Variants in PLD5 observed in about 807,000 individuals in gnomAD.
The protein encoded by PLD5 is phospholipase D family member 5.
In PLD5, 36 loss-of-function variants were observed where a neutral mutation model predicts 61.1. The observed-to-expected ratio is 0.59, with a 90% CI of 0.45 to 0.78. The LOEUF is 0.78. Ranked by LOEUF, PLD5 falls within the 30% of genes least tolerant of loss-of-function variation. The pLI is 0.00. For synonymous variants in PLD5, 243 were observed against 242.8 expected (o/e 1.00, Z -0.01); for missense variants, 515 against 644.4 (o/e 0.80, Z 2.17).
rs138231261 is a variant in PLD5, at chr1:242,477,946, T to A, written c.189+46142A>T. ...TGTGGTCTGAGCTCCCTCTGTTACA[T>A]GGGTGGACGGTATCAACCTCTGGAT... is the stretch of plus-strand genomic sequence containing the variant. On this transcript the variant is annotated intron_variant, in intron 1 of 9. Transcript: ENST00000536534. Among the ~76,000 whole-genome samples the A allele has an allele frequency of 2.1e-3, 325 of 152,306 alleles. 3 individuals carry two copies. The highest frequency in any genetic ancestry group is 0.013 in the East Asian group (70 of 5,188).
intron 5 of PLD5, among the ~76,000 whole-genome samples, chr1:242,176,913 A>G (rs965886840): frequency 1.3e-5 from 2 of 152,244 alleles, no homozygotes; most frequent in African/African-American, 4.8e-5. Context: ...ATAATTTAAA[A>G]GTCAGGAAAC....
chr1:242,428,578 T>C (rs1665554894), intron 1 of PLD5, among the ~76,000 whole-genome samples: 1 of 152,202 alleles, frequency 6.6e-6, no homozygotes, highest in Non-Finnish European at 1.5e-5. Flanking sequence ...TGACCTCAAT[T>C]AGCTCAGCTC....
intron 2 of PLD5, among the ~76,000 whole-genome samples, chr1:242,342,565 C>T (rs369326874): frequency 2.4e-4 from 37 of 152,202 alleles, no homozygotes; most frequent in Non-Finnish European, 4.6e-4. Context: ...GCAGTTTGAA[C>T]TTTCCTTACC....
intron 3 of PLD5, among the ~76,000 whole-genome samples, chr1:242,272,939 G>A (rs1369400635): frequency 1.3e-5 from 2 of 151,644 alleles, no homozygotes; most frequent in African/African-American, 4.8e-5. Context: ...TTTAAGTTCT[G>A]GGATACATGT....
chr1:242,448,581 G>A (rs1362356445), intron 1 of PLD5, among the ~76,000 whole-genome samples: 1 of 152,106 alleles, frequency 6.6e-6, no homozygotes, highest in Non-Finnish European at 1.5e-5. Flanking sequence ...CATCTCCCGT[G>A]TTTTCCTCCT....
chr1:242,419,853 C>T (rs7530712), intron 1 of PLD5, among the ~76,000 whole-genome samples: 61,611 of 151,972 alleles, frequency 0.41, 13,110 homozygotes, highest in African/African-American at 0.53. Context: ...CCACAACTCA[C>T]ACCACTGTAT....
intron 2 of PLD5, among the ~76,000 whole-genome samples, chr1:242,341,408 T>A (rs1659825341): frequency 6.6e-6 from 1 of 152,238 alleles, no homozygotes; most frequent in Admixed American, 6.5e-5. Context: ...GCAGCTGAGT[T>A]ATTGATATAA....
intron 1 of PLD5, among the ~76,000 whole-genome samples, chr1:242,433,436 CT>C (rs1249266097): frequency 6.6e-6 from 1 of 152,152 alleles, no homozygotes; most frequent in Non-Finnish European, 1.5e-5. Context: ...TGCTGGCTCC[CT>C]TTTTATGCAA....
intron 1 of PLD5, among the ~76,000 whole-genome samples, chr1:242,424,092 C>T (rs1316020836): frequency 1.3e-5 from 2 of 152,178 alleles, no homozygotes; most frequent in Non-Finnish European, 2.9e-5. Context: ...TCAGTGTTTG[C>T]ATTATTGCTG....
intron 2 of PLD5, among the ~76,000 whole-genome samples, chr1:242,337,349 G>A (rs186866702): frequency 4.3e-3 from 341 of 79,632 alleles, no homozygotes; most frequent in African/African-American, 8.1e-3. Flanking sequence ...TAGGCAAATC[G>A]GCCAGGTGTG....
At chr1:242,097,354 A>G (rs906400966) in intron 9 of PLD5, among the ~76,000 whole-genome samples, 2 of 152,206 alleles carry the variant, frequency 1.3e-5, no homozygotes, top group African/African-American at 2.4e-5. Flanking sequence ...GAACTAGTTT[A>G]CAGTCCCACC....
intron 1 of PLD5, among the ~76,000 whole-genome samples, chr1:242,360,664 T>C (rs1661015523): frequency 6.6e-6 from 1 of 152,164 alleles, no homozygotes; most frequent in African/African-American, 2.4e-5. Context: ...CACTCAATGG[T>C]ATGTTAGTGT....
At chr1:242,504,739 C>T (rs1002931771) in intron 1 of PLD5, among the ~76,000 whole-genome samples, 1 of 152,006 alleles carries the variant, frequency 6.6e-6, no homozygotes, top group African/African-American at 2.4e-5. Context: ...TGTTTTCTGC[C>T]TCGGTGAAAC....
intron 5 of PLD5, among the ~76,000 whole-genome samples, chr1:242,181,765 A>G (rs1667533490): frequency 6.6e-6 from 1 of 151,798 alleles, no homozygotes; most frequent in Non-Finnish European, 1.5e-5. Context: ...TCCCAGGTTC[A>G]AGTGATTTCT....
intron 1 of PLD5, among the ~76,000 whole-genome samples, chr1:242,400,067 G>A (rs888921356): frequency 2.6e-5 from 4 of 152,046 alleles, no homozygotes; most frequent in Non-Finnish European, 5.9e-5. Context: ...ACTTGGCAGC[G>A]TGAGGCAGGA....
At chr1:242,481,734 G>C (rs1020060653) in intron 1 of PLD5, among the ~76,000 whole-genome samples, 3 of 152,220 alleles carry the variant, frequency 2.0e-5, no homozygotes, top group Non-Finnish European at 4.4e-5. Context: ...CACAGAGCTT[G>C]AGATCTGAGA....
intron 5 of PLD5, among the ~76,000 whole-genome samples, chr1:242,219,596 A>G (rs1207146973): frequency 6.6e-6 from 1 of 152,248 alleles, no homozygotes; most frequent in Admixed American, 6.5e-5. Flanking sequence ...TCTTGAGATT[A>G]AAGAAATAAC....
intron 5 of PLD5, among the ~76,000 whole-genome samples, chr1:242,205,824 G>T (rs1669283102): frequency 6.6e-6 from 1 of 152,154 alleles, no homozygotes; most frequent in South Asian, 2.1e-4. Context: ...CCTGCCCACT[G>T]CCACATACAC....
intron 1 of PLD5, among the ~76,000 whole-genome samples, chr1:242,393,273 A>T (rs1270286848): frequency 5.1e-5 from 3 of 59,320 alleles, no homozygotes; most frequent in African/African-American, 1.5e-4. Context: ...TATATATATG[A>T]GTATATATAT....
Sources: allele counts gnomAD v4.1 joint callset (sites outside exome capture counted in the v4.1 genomes callset), GRCh38; gene constraint gnomAD v4.1.1; transcripts MANE v1.5; gene names NCBI Gene and HGNC (gene_info 2026-07-23, HGNC 2026-07-21).